The following TRPC3 variants were observed in gnomAD, a reference collection of about 807,000 sequenced individuals.
The protein encoded by TRPC3 is short transient receptor potential channel 3.
Under a neutral mutation model 90.9 loss-of-function variants are expected in TRPC3, and 54 were observed. That is an observed-to-expected ratio of 0.59 (90% CI 0.48 to 0.75). The LOEUF is 0.75. TRPC3 is among the 30% of genes least tolerant of loss of function. The pLI is 0.00. For missense variants in TRPC3, 918 were observed against 1,194.5 expected (o/e 0.77, Z 3.41); for synonymous variants, 424 against 450.9 (o/e 0.94, Z 0.75).
chr4:121,899,061 G>A (rs946308928), intron 10 of TRPC3, among the ~76,000 whole-genome samples: 1 of 152,092 alleles, frequency 6.6e-6, no homozygotes, highest in African/African-American at 2.4e-5. Flanking sequence ...AATGATCAAC[G>A]AGATGAAAAA....
In TRPC3 at chr4:121,880,646, A is replaced by AAAAAG. The variant is rs1001457349; in HGVS notation, c.2624-773_2624-769dup. Among the ~76,000 whole-genome samples the AAAAAG allele has an allele frequency of 5.3e-5, 8 of 152,290 alleles. No individual in the cohort carries two copies. In the South Asian group the frequency reaches 6.2e-4, roughly 12 times the overall value. On this transcript the variant is annotated intron_variant, in intron 11 of 11. Transcript: ENST00000379645. ...TTCAAGGAGAGGCAGTATTTGGTTA[A>AAAAAG]AAAAGAAAAGAAAAGAAACACTGGA...
chr4:121,922,022 CATTCTCCT>C (rs1175571969), intron 3 of TRPC3, among the ~76,000 whole-genome samples: 19 of 150,200 alleles, frequency 1.3e-4, no homozygotes. Context: ...GGGTTCATGA[CATTCTCCT>C]GCCTCAGCCT....
intron 3 of TRPC3, among the ~76,000 whole-genome samples, chr4:121,924,174 A>G (rs894062822): frequency 2.6e-5 from 4 of 152,222 alleles, no homozygotes; most frequent in African/African-American, 9.6e-5. Flanking sequence ...GTAGAATAGA[A>G]ACCCCATCAT....
At chr4:121,887,093 A>G (rs1352049630) in intron 10 of TRPC3, among the ~76,000 whole-genome samples, 1 of 152,140 alleles carries the variant, frequency 6.6e-6, no homozygotes, top group Non-Finnish European at 1.5e-5. Context: ...AATTTAAACA[A>G]CTGCCCTCAG....
intron 3 of TRPC3, among the ~76,000 whole-genome samples, chr4:121,919,472 T>G (rs1001462638): frequency 6.6e-6 from 1 of 152,228 alleles, no homozygotes; most frequent in Non-Finnish European, 1.5e-5. Context: ...GCACAGGTTT[T>G]CTGGATTTTC....
intron 7 of TRPC3, 137 bp downstream of exon 7, chr4:121,907,166 G>T (rs1365095542): frequency 7.5e-6 from 6 of 800,696 alleles, no homozygotes; most frequent in African/African-American, 5.2e-5. Flanking sequence ...ATCAACACAA[G>T]CACTAACTGT....
rs561031855 is a variant in TRPC3 at position 121,881,985 on chromosome 4, C to T, written c.2623+369G>A. ...CTGAAGACATGAATTCTGTTTGAGTCACTGTTCTTTTATCTGCTTAACTGG... is the reference window on the plus strand; with the variant it reads ...CTGAAGACATGAATTCTGTTTGAGTTACTGTTCTTTTATCTGCTTAACTGG... On this transcript the variant is annotated intron_variant, in intron 11 of 11. Coordinates refer to ENST00000379645, the MANE Select transcript of TRPC3 (RefSeq NM_001130698.2). 2.0e-5 allele frequency among the ~76,000 whole-genome samples: 3 copies of T among 152,204 alleles called. No individual in the cohort carries two copies. The East Asian group carries it at 5.8e-4, about 29-fold the overall frequency.
rs112487014 is a variant in TRPC3 at position 121,904,457 on chromosome 4, G to A, written c.2118C>T (p.Ser706=). The change falls in exon 8 of 12, where the codon TCC becomes TCT. Residue 706 remains serine, a synonymous_variant. Coordinates refer to ENST00000379645, the MANE Select transcript of TRPC3 (RefSeq NM_001130698.2). ...ATTTGTGATCATATTTGAGCACAACGGAAGTCACTTCAGACAACCCAAATA... is the reference window on the plus strand; with the variant it reads ...ATTTGTGATCATATTTGAGCACAACAGAAGTCACTTCAGACAACCCAAATA... The part of the protein sequence containing the change: ...WSIFGLSEVT[S]VVLKYDHKFI... 4.8e-5 allele frequency: 77 copies of A among 1,598,234 alleles called. No homozygotes were observed. The highest frequency in any genetic ancestry group is 3.1e-4 in the African/African-American group (23 of 74,052).
At chr4:121,933,820 A>C (rs1319242635) in intron 1 of TRPC3, among the ~76,000 whole-genome samples, 1 of 152,158 alleles carries the variant, frequency 6.6e-6, no homozygotes, top group Non-Finnish European at 1.5e-5. Flanking sequence ...ACCCATCCCC[A>C]AGTTATAGGA....
chr4:121,949,737 T>C (rs559127341), intron 1 of TRPC3, among the ~76,000 whole-genome samples: 1 of 152,298 alleles, frequency 6.6e-6, no homozygotes, highest in African/African-American at 2.4e-5. Flanking sequence ...AAAATAAGTA[T>C]ACCACAACAT....
intron 10 of TRPC3, among the ~76,000 whole-genome samples, chr4:121,897,453 C>CAAAAAAAAAAAAAAAAAAAAAAA (rs70950860): frequency 9.2e-5 from 4 of 43,420 alleles, no homozygotes; most frequent in East Asian, 7.5e-4. Context: ...ATCTCAACAG[C>CAAAAAAAAAAAAAAAAAAAAAAA]AAAAAAAAAA....
rs1396953850 is a variant in TRPC3, at chr4:121,907,325, T to TA, written c.2034dup (p.Lys679Ter). 1 of 1,610,670 alleles carries TA rather than the reference T, an allele frequency of 6.2e-7. No homozygotes were observed. Among genetic ancestry groups the TA allele is most frequent in the Non-Finnish European group, 8.5e-7 (1 of 1,178,820 alleles). On this transcript the variant is annotated frameshift_variant, in exon 7 of 12. Transcript: ENST00000379645. LOFTEE classifies it high-confidence loss of function. ...TACGTGGTAAAAGCAGCATTAACTT[T>TA]AGCCCCAAGGTAGTAAGAATAAAGT... is the stretch of plus-strand genomic sequence containing the variant.
At chr4:121,914,754 A>G in intron 4 of TRPC3, 26 bp downstream of exon 4, 1 of 1,577,066 alleles carries the variant, frequency 6.3e-7, no homozygotes, top group South Asian at 1.1e-5. Context: ...ACCACCACAG[A>G]GGAAATAGAT....
chr4:121,900,471 AG>A (rs1728663724), intron 9 of TRPC3, among the ~76,000 whole-genome samples: 1 of 152,186 alleles, frequency 6.6e-6, no homozygotes, highest in Non-Finnish European at 1.5e-5. Flanking sequence ...TGGGATGCTA[AG>A]AGATAAGGAA....
Position 121,932,257 on chromosome 4 carries a change from A to G in TRPC3, c.987+14T>C. On this transcript the variant is annotated intron_variant, in intron 2 of 11. Transcript: ENST00000379645. The surrounding 1 kb of genome is among the most constrained non-coding windows in gnomAD (Gnocchi z 7.7). ...TGAGCACACAGAGCAGCCGGGGTAG[A>G]GCGCAAAGCTTACCTTGAACTCCTT... The G allele has an allele frequency of 3.1e-6, 5 of 1,609,438 alleles. No homozygotes were observed. Among genetic ancestry groups the G allele is most frequent in the Non-Finnish European group, 3.4e-6 (4 of 1,176,510 alleles).
At chr4:121,944,487 C>CT (rs145806121) in intron 1 of TRPC3, among the ~76,000 whole-genome samples, 3,010 of 151,988 alleles carry the variant, frequency 0.02, 96 homozygotes, top group African/African-American at 0.068. Context: ...TTAATAACAA[C>CT]TTTAAGAGAA....
chr4:121,940,533 C>G (rs189631962), intron 1 of TRPC3, among the ~76,000 whole-genome samples: 1 of 152,186 alleles, frequency 6.6e-6, no homozygotes, highest in Non-Finnish European at 1.5e-5. Context: ...CCTCTCTGAA[C>G]ACACTGTTAT....
chr4:121,939,158 A>AG (rs777141498), intron 1 of TRPC3, among the ~76,000 whole-genome samples: 2 of 152,046 alleles, frequency 1.3e-5, no homozygotes, highest in African/African-American at 4.8e-5. Flanking sequence ...CTCTGCCTGG[A>AG]GGGTGGGTGG....
At chr4:121,895,243 G>A (rs973352153) in intron 10 of TRPC3, among the ~76,000 whole-genome samples, 2 of 151,328 alleles carry the variant, frequency 1.3e-5, no homozygotes, top group Admixed American at 6.6e-5. Context: ...ATCTAATGAT[G>A]CACATAAAGG....
Sources: gnomAD v4.1 joint callset for allele counts (sites outside exome capture counted in the v4.1 genomes callset) on GRCh38, gnomAD v4.1.1 for gene constraint, Gnocchi (gnomAD v3.1) non-coding constraint, MANE v1.5 for transcripts, NCBI Gene and HGNC (gene_info 2026-07-23, HGNC 2026-07-21) for gene names.